The following GRM5 variants were observed in gnomAD, a reference collection of about 807,000 sequenced individuals.
The protein encoded by GRM5 is glutamate metabotropic receptor 5.
Under a neutral mutation model 83.1 loss-of-function variants are expected in GRM5, and 19 were observed. The ratio of observed to expected loss-of-function variants is 0.23; its 90% CI spans 0.16 to 0.34. The LOEUF (loss-of-function observed/expected upper bound fraction) is 0.34, where lower values mean the gene tolerates loss of function less well. Among genes scored for constraint, GRM5 ranks in the 10% least tolerant of loss-of-function variants. The pLI is 1.00. For missense variants in GRM5, 1,160 were observed against 1,588.3 expected (o/e 0.73, Z 4.58); for synonymous variants, 675 against 633.6 (o/e 1.07, Z -0.98).
At chr11:88,894,948 C>T (rs1258772619) in intron 2 of GRM5, among the ~76,000 whole-genome samples, 2 of 151,884 alleles carry the variant, frequency 1.3e-5, no homozygotes, top group Non-Finnish European at 2.9e-5. Flanking sequence ...TTCCCAGCCT[C>T]CAGCCTGTGA....
chr11:88,886,860 T>C (rs1945052400), intron 2 of GRM5, among the ~76,000 whole-genome samples: 1 of 152,150 alleles, frequency 6.6e-6, no homozygotes, highest in African/African-American at 2.4e-5. Flanking sequence ...GGGAATGTCA[T>C]AGTAACCAGC....
chr11:88,940,564 T>C (rs1938058294), intron 2 of GRM5, among the ~76,000 whole-genome samples: 1 of 151,538 alleles, frequency 6.6e-6, no homozygotes, highest in South Asian at 2.1e-4. Context: ...ATAATCCTAA[T>C]ATGATGCAAA....
intron 8 of GRM5, among the ~76,000 whole-genome samples, chr11:88,526,903 C>G (rs1941891532): frequency 1.3e-5 from 2 of 151,666 alleles, no homozygotes; most frequent in Admixed American, 1.3e-4. Flanking sequence ...ATCTGCAGGC[C>G]CCACCTGTTA....
chr11:88,753,444 A>C (rs186876823), intron 3 of GRM5, among the ~76,000 whole-genome samples: 61 of 152,276 alleles, frequency 4.0e-4, no homozygotes, highest in African/African-American at 1.4e-3. Flanking sequence ...AAAAGTCAAA[A>C]AATAACAGAT....
chr11:88,575,659 T>TA (rs1252787788), intron 7 of GRM5, among the ~76,000 whole-genome samples: 1 of 152,234 alleles, frequency 6.6e-6, no homozygotes, highest in Non-Finnish European at 1.5e-5. Context: ...TATATGTCCT[T>TA]AGAGTTGCTG....
chr11:88,666,634 C>T (rs889429713), intron 3 of GRM5, among the ~76,000 whole-genome samples: 1 of 152,128 alleles, frequency 6.6e-6, no homozygotes, highest in African/African-American at 2.4e-5. Flanking sequence ...CAGATAGTAA[C>T]CACTTTGAGT....
intron 2 of GRM5, among the ~76,000 whole-genome samples, chr11:88,956,317 T>C (rs999305263): frequency 1.3e-5 from 2 of 152,236 alleles, no homozygotes; most frequent in Non-Finnish European, 2.9e-5. Flanking sequence ...TAGACGATAT[T>C]TATCATGGTA....
Position 88,742,222 on chromosome 11 carries a change from A to T in GRM5, c.912-88819T>A, listed in dbSNP as rs899024614. ...TCTAATTCTAGAAAGGTGTAATAAT[A>T]ATTATTTACATTTGCATAATACTTT... On this transcript the variant is annotated intron_variant, in intron 3 of 9. Coordinates refer to ENST00000305447, the MANE Select transcript of GRM5 (RefSeq NM_001143831.3). 9.2e-5 allele frequency among the ~76,000 whole-genome samples: 14 copies of T among 152,034 alleles called. No individual in the cohort carries two copies. In the East Asian group the frequency reaches 2.3e-3, roughly 25 times the overall value.
At chr11:88,888,416 G>A (rs1945082398) in intron 2 of GRM5, among the ~76,000 whole-genome samples, 1 of 152,158 alleles carries the variant, frequency 6.6e-6, no homozygotes, top group Admixed American at 6.6e-5. Flanking sequence ...TTCCCAGCAG[G>A]AAGAGAGGCA....
chr11:89,061,057 G>A (rs533926828), intron 1 of GRM5, among the ~76,000 whole-genome samples: 7 of 151,960 alleles, frequency 4.6e-5, no homozygotes, highest in South Asian at 2.1e-4. Flanking sequence ...CTCTAAACCA[G>A]CCAAATCAGC....
At position 89,047,783 on chromosome 11, in the gene GRM5, G is replaced by A. The variant is rs770502318; in HGVS notation, c.90C>T (p.His30=). The A allele has an allele frequency of 6.2e-7, 1 of 1,613,958 alleles. No homozygotes were observed. Among genetic ancestry groups the A allele is most frequent in the Non-Finnish European group, 8.5e-7 (1 of 1,179,852 alleles). Residue 30 remains histidine, a synonymous_variant, in exon 2 of 10, where the codon CAC becomes CAT. Transcript: ENST00000305447. The surrounding 1 kb of genome is among the most constrained non-coding windows in gnomAD (Gnocchi z 5.1). The part of the protein sequence containing the change: ...AQSSERRVVA[H]MPGDIIIGAL... ...CTCCAATAATGATGTCACCCGGCATGTGAGCCACCACCCTCCTCTCACTGG... is the reference window on the plus strand; with the variant it reads ...CTCCAATAATGATGTCACCCGGCATATGAGCCACCACCCTCCTCTCACTGG...
intron 1 of GRM5, among the ~76,000 whole-genome samples, chr11:89,065,355 T>C (rs968089762): frequency 3.3e-5 from 5 of 150,114 alleles, no homozygotes; most frequent in Non-Finnish European, 7.4e-5. Flanking sequence ...GAGAGAGAGA[T>C]CCAAACGTAT....
In GRM5 at chr11:88,506,210, T is replaced by C. The variant is rs1941178730; in HGVS notation, c.*2382A>G. The stretch of plus-strand genomic sequence containing the variant: ...TCTGATGAAGTTTTTTATAAGGTAG[T>C]GTGCTTTTTAAGAGATATGTTACTA... On this transcript the variant is annotated 3_prime_UTR_variant, in exon 10 of 10. Transcript: ENST00000305447. The C allele has an allele frequency of 6.6e-6, 1 of 152,174 alleles. No homozygotes were observed. The highest frequency in any genetic ancestry group is 1.5e-5 in the Non-Finnish European group (1 of 68,016). 9.4% of individuals were successfully genotyped at this position (152,174 alleles called of 1,614,324 possible).
intron 3 of GRM5, among the ~76,000 whole-genome samples, chr11:88,748,880 ACCAAAC>A (rs1191495886): frequency 6.6e-6 from 1 of 152,158 alleles, no homozygotes; most frequent in African/African-American, 2.4e-5. Flanking sequence ...GTTAAAAACA[ACCAAAC>A]CGAAAACAAC....
At chr11:89,036,229 T>C (rs1162826367) in intron 2 of GRM5, among the ~76,000 whole-genome samples, 1 of 151,950 alleles carries the variant, frequency 6.6e-6, no homozygotes. Flanking sequence ...TATCACCAAT[T>C]GGAGGAGGAA....
intron 9 of GRM5, among the ~76,000 whole-genome samples, chr11:88,522,588 G>A (rs61903513): frequency 5.2e-5 from 7 of 134,342 alleles, no homozygotes; most frequent in African/African-American, 1.4e-4. Flanking sequence ...TCTCTCTCTC[G>A]CTCTCTCTCT....
intron 3 of GRM5, among the ~76,000 whole-genome samples, chr11:88,704,065 G>A (rs1941097003): frequency 1.3e-5 from 2 of 151,994 alleles, no homozygotes; most frequent in South Asian, 4.1e-4. Flanking sequence ...TATATCTTCA[G>A]ATGGCCCTTT....
chr11:88,593,832 C>T (rs1022952479), intron 6 of GRM5, among the ~76,000 whole-genome samples: 4 of 149,740 alleles, frequency 2.7e-5, no homozygotes, highest in African/African-American at 9.9e-5. Flanking sequence ...CTCACTCTGT[C>T]GCCCAGGCTG....
chr11:88,860,996 T>C (rs1430308108), intron 2 of GRM5, among the ~76,000 whole-genome samples: 1 of 152,160 alleles, frequency 6.6e-6, no homozygotes, highest in African/African-American at 2.4e-5. Context: ...AAATATCCCA[T>C]TAATATGTGG....
Sources: gnomAD v4.1 joint callset for allele counts (sites outside exome capture counted in the v4.1 genomes callset) on GRCh38, gnomAD v4.1.1 for gene constraint, Gnocchi (gnomAD v3.1) non-coding constraint, MANE v1.5 for transcripts, NCBI Gene and HGNC (gene_info 2026-07-23, HGNC 2026-07-21) for gene names.